Variants in GPC6 observed in about 807,000 individuals in gnomAD.
The protein encoded by GPC6 is glypican 6.
A neutral mutation model predicts 55.2 loss-of-function variants in GPC6; 14 were observed. That is an observed-to-expected ratio of 0.25 (90% confidence interval 0.17 to 0.40). The LOEUF (loss-of-function observed/expected upper bound fraction) is 0.40. GPC6 is among the 10% of genes least tolerant of loss of function. GPC6 has a pLI of 1.00. For synonymous variants in GPC6, 278 were observed against 259.6 expected, an observed-to-expected ratio of 1.07 and a Z score of -0.68; for missense variants, 641 against 708.5, an observed-to-expected ratio of 0.90 and a Z score of 1.08.
At chr13:93,683,909 G>A (rs1881946300) in intron 2 of GPC6, among the ~76,000 whole-genome samples, 2 of 152,120 alleles carry the variant, frequency 1.3e-5, no homozygotes, top group East Asian at 3.9e-4. Context: ...TCTGGTGAAA[G>A]TCCTCTTCCA....
chr13:93,820,672 T>C (rs1468919560), intron 2 of GPC6, among the ~76,000 whole-genome samples: 2 of 107,264 alleles, frequency 1.9e-5, no homozygotes. Flanking sequence ...CAAAGTAGGG[T>C]TTTTTTTTTT....
chr13:93,461,660 C>T lies in GPC6; in HGVS notation c.161-83603C>T, dbSNP rs1196311511. ...TTTCATAGCTGAAGATACTAGGTCC[C>T]GGCGGGGGGGTTGGGGGGGGGTGTT... is the stretch of plus-strand genomic sequence containing the variant. On this transcript the variant is annotated intron_variant, in intron 1 of 8. Transcript: ENST00000377047. Among the ~76,000 whole-genome samples, 6 of 73,238 alleles carry T rather than the reference C, an allele frequency of 8.2e-5. 1 individual carries two copies. Among genetic ancestry groups the T allele is most frequent in the Non-Finnish European group, 5.6e-5 (2 of 35,824 alleles). 48.0% of individuals were successfully genotyped at this position (73,238 alleles called of 152,430 possible).
At chr13:93,493,729 T>G (rs1880135574) in intron 1 of GPC6, among the ~76,000 whole-genome samples, 2 of 126,172 alleles carry the variant, frequency 1.6e-5, no homozygotes, top group African/African-American at 5.9e-5. Context: ...TGTGTCTTTG[T>G]TCTCGTTGGT....
At chr13:94,108,259 A>G (rs1384729140) in intron 4 of GPC6, among the ~76,000 whole-genome samples, 1 of 152,140 alleles carries the variant, frequency 6.6e-6, no homozygotes, top group African/African-American at 2.4e-5. Flanking sequence ...GAGATTGGAG[A>G]CTATTATCCT....
intron 2 of GPC6, among the ~76,000 whole-genome samples, chr13:93,760,794 T>A (rs1884929586): frequency 3.9e-5 from 6 of 152,216 alleles, no homozygotes; most frequent in Admixed American, 3.3e-4. Context: ...GAAACTTGCC[T>A]TTTTGTTCCT....
At chr13:93,462,544 G>T (rs1878730763) in intron 1 of GPC6, among the ~76,000 whole-genome samples, 1 of 149,860 alleles carries the variant, frequency 6.7e-6, no homozygotes, top group African/African-American at 2.5e-5. Flanking sequence ...TAACCTTAAA[G>T]ATGAAAAAGC....
intron 4 of GPC6, among the ~76,000 whole-genome samples, chr13:94,100,022 T>C (rs1052561726): frequency 1.2e-4 from 18 of 152,156 alleles, no homozygotes; most frequent in Admixed American, 3.3e-4. Context: ...CTGTGCTTAA[T>C]ACCTAGGTGA....
In GPC6 at chr13:94,382,454, T is replaced by C. The variant is rs1348366375; in HGVS notation, c.1193T>C (p.Val398Ala). 6.2e-7 allele frequency: 1 copy of C among 1,614,014 alleles called. No homozygotes were observed. Among genetic ancestry groups the C allele is most frequent in the Non-Finnish European group, 8.5e-7 (1 of 1,179,924 alleles). ...IKEKLKLSKK[V>A]WSALPYTICK... The stretch of plus-strand genomic sequence containing the variant: ...GAGAAATTGAAGCTCTCTAAAAAGG[T>C]CTGGTCAGCATTACCCTACACTATC... The change falls in exon 7 of 9, where the codon GTC (valine) becomes GCC (alanine). Residue 398 changes from valine (V) to alanine (A), a missense_variant. Coordinates refer to ENST00000377047, the MANE Select transcript of GPC6 (RefSeq NM_005708.5).
chr13:94,245,574 TAAAAAATA>T (rs560949147), intron 4 of GPC6, among the ~76,000 whole-genome samples: 6 of 151,886 alleles, frequency 4.0e-5, no homozygotes, highest in Non-Finnish European at 8.8e-5. Context: ...TCCCTGTCTC[TAAAAAATA>T]AAAAAATAAA....
intron 4 of GPC6, among the ~76,000 whole-genome samples, chr13:94,122,597 T>C (rs1252545820): frequency 2.6e-5 from 4 of 152,070 alleles, no homozygotes; most frequent in African/African-American, 9.7e-5. Context: ...GAGAAATAGA[T>C]GAAACCACAC....
chr13:93,905,404 A>G (rs1876611734), intron 3 of GPC6, among the ~76,000 whole-genome samples: 2 of 152,198 alleles, frequency 1.3e-5, no homozygotes, highest in African/African-American at 4.8e-5. Flanking sequence ...AGCTATTATT[A>G]TATTTGACTA....
At chr13:93,745,245 ATTC>A (rs999047282) in intron 2 of GPC6, among the ~76,000 whole-genome samples, 12 of 152,100 alleles carry the variant, frequency 7.9e-5, no homozygotes, top group African/African-American at 2.9e-4. Context: ...AAATCTCACT[ATTC>A]TTCTTCCTGC....
intron 1 of GPC6, among the ~76,000 whole-genome samples, chr13:93,440,283 A>G (rs1877738394): frequency 6.6e-6 from 1 of 152,232 alleles, no homozygotes. Flanking sequence ...GGGCAATTAC[A>G]GGCGAGAGTT....
chr13:93,737,762 G>T (rs1884054110), intron 2 of GPC6, among the ~76,000 whole-genome samples: 1 of 151,982 alleles, frequency 6.6e-6, no homozygotes. Flanking sequence ...TTGATTGGTA[G>T]GACTCTATAC....
At chr13:93,472,360 C>T (rs1446620183) in intron 1 of GPC6, among the ~76,000 whole-genome samples, 1 of 152,164 alleles carries the variant, frequency 6.6e-6, no homozygotes, top group Non-Finnish European at 1.5e-5. Context: ...CACATGCCTC[C>T]AAGGGAGACT....
At chr13:93,609,825 A>C (rs1594308769) in intron 2 of GPC6, among the ~76,000 whole-genome samples, 1 of 152,000 alleles carries the variant, frequency 6.6e-6, no homozygotes, top group Admixed American at 6.6e-5. Context: ...TCCCTTGGCT[A>C]TTGGAACACC....
At chr13:93,489,761 G>C (rs1461288604) in intron 1 of GPC6, among the ~76,000 whole-genome samples, 2 of 150,992 alleles carry the variant, frequency 1.3e-5, no homozygotes, top group East Asian at 4.4e-4. Context: ...CTCATGATTT[G>C]GCTCTCTGTC....
intron 1 of GPC6, among the ~76,000 whole-genome samples, chr13:93,541,722 A>C (rs1426636783): frequency 6.8e-6 from 1 of 146,400 alleles, no homozygotes; most frequent in Non-Finnish European, 1.5e-5. Context: ...TGCCATTCTA[A>C]CTGCTGTGAG....
chr13:94,318,690 G>T (rs150106560), intron 6 of GPC6, among the ~76,000 whole-genome samples: 2 of 152,186 alleles, frequency 1.3e-5, no homozygotes, highest in Non-Finnish European at 2.9e-5. Context: ...GAAAGCTGTG[G>T]TTTCAGTTAC....
Sources: allele counts gnomAD v4.1 joint callset (sites outside exome capture counted in the v4.1 genomes callset), GRCh38; gene constraint gnomAD v4.1.1; transcripts MANE v1.5; gene names NCBI Gene and HGNC (gene_info 2026-07-23, HGNC 2026-07-21).